FAM200B: variants seen among roughly 807,000 people sequenced by gnomAD.
FAM200B encodes the protein zinc finger BED-type containing 11, also known as protein FAM200B.
In FAM200B, 32 loss-of-function variants were observed where a neutral mutation model predicts 33.1. The observed-to-expected ratio is 0.97, with a 90% confidence interval of 0.73 to 1.30. FAM200B has a LOEUF of 1.30. Among genes scored for constraint, FAM200B ranks in the 50% most tolerant of loss-of-function variants. The probability of loss-of-function intolerance (pLI) is 0.00; values close to 1 mark genes in which losing one functional copy is unlikely to be tolerated. For missense variants in FAM200B, 741 were observed against 754.0 expected, an observed-to-expected ratio of 0.98 and a Z score of 0.20; for synonymous variants, 240 against 264.8, an observed-to-expected ratio of 0.91 and a Z score of 0.91.
upstream of FAM200B, among the ~76,000 whole-genome samples, chr4:15,678,057 G>A (rs377176822): frequency 2.0e-5 from 3 of 152,156 alleles, no homozygotes; most frequent in East Asian, 5.8e-4. Flanking sequence ...GGGCGGGTGG[G>A]TGTGTTTCAT....
chr4:15,680,144 A>G (rs1264142460), upstream of FAM200B, among the ~76,000 whole-genome samples: 1 of 152,166 alleles, frequency 6.6e-6, no homozygotes, highest in African/African-American at 2.4e-5. Flanking sequence ...ACAATGCAGA[A>G]AATATTGAAG....
At chr4:15,661,831 C>T in the FAM200B span, among the ~76,000 whole-genome samples, 2 of 152,214 alleles carry the variant, frequency 1.3e-5, no homozygotes, top group Non-Finnish European at 2.9e-5. Context: ...GCAGCTAAAG[C>T]TGCGATCATC....
At chr4:15,666,126 C>T in the FAM200B span, among the ~76,000 whole-genome samples, 16 of 151,996 alleles carry the variant, frequency 1.1e-4, no homozygotes, top group African/African-American at 2.9e-4. Context: ...GGACTGGGCA[C>T]GGTGGTTCAC....
In FAM200B at chr4:15,687,250, T is replaced by C; in HGVS notation, c.273T>C (p.Asn91=). 1 of 1,546,068 alleles carries C rather than the reference T, an allele frequency of 6.5e-7. No homozygotes were observed. The highest frequency in any genetic ancestry group is 1.2e-5 in the South Asian group (1 of 82,280). The change falls in exon 2 of 2, where the codon AAT becomes AAC. Residue 91 remains asparagine (N), a synonymous_variant. Coordinates refer to ENST00000422728, the MANE Select transcript of FAM200B (RefSeq NM_001145191.2). ...NDRPQCVICN[N]ILANESLKPS... is the part of the protein sequence containing the mutation. The stretch of plus-strand genomic sequence containing the variant: ...GACCTCAGTGTGTTATTTGTAATAA[T>C]ATTCTTGCGAATGAAAGCTTAAAAC...
the FAM200B span, chr4:15,655,520 C>G: frequency 8.6e-5 from 29 of 335,966 alleles, no homozygotes; most frequent in East Asian, 1.7e-4. Context: ...CTCCCGCCCC[C>G]ACTCTTTTCG....
At chr4:15,638,741 G>A in the FAM200B span, 2 of 1,201,040 alleles carry the variant, frequency 1.7e-6, no homozygotes, top group East Asian at 4.7e-5. Context: ...CATTCGTGTT[G>A]ATTTACTCTA....
intron 1 of FAM200B, among the ~76,000 whole-genome samples, chr4:15,682,773 T>C (rs1718442457): frequency 6.6e-6 from 1 of 152,194 alleles, no homozygotes; most frequent in East Asian, 1.9e-4. Context: ...AAAGAATAAA[T>C]AGGACTTCAT....
chr4:15,657,619 A>G, the FAM200B span, among the ~76,000 whole-genome samples: 1 of 152,270 alleles, frequency 6.6e-6, no homozygotes, highest in Admixed American at 6.5e-5. Flanking sequence ...AATTTGTTTT[A>G]GATGACAAAA....
chr4:15,648,762 A>C, the FAM200B span, among the ~76,000 whole-genome samples: 2 of 152,214 alleles, frequency 1.3e-5, no homozygotes, highest in African/African-American at 4.8e-5. Flanking sequence ...TTCAGTTCTA[A>C]GATGAGTACG....
At chr4:15,684,326 C>G (rs964963106) in intron 1 of FAM200B, among the ~76,000 whole-genome samples, 11 of 152,180 alleles carry the variant, frequency 7.2e-5, no homozygotes, top group African/African-American at 2.4e-4. Flanking sequence ...AGGCCAGAAC[C>G]TCAGGTTTGA....
the FAM200B span, among the ~76,000 whole-genome samples, chr4:15,664,893 C>T: frequency 2.0e-5 from 3 of 151,946 alleles, no homozygotes; most frequent in African/African-American, 7.3e-5. Flanking sequence ...TTCTGCAGTC[C>T]CCAACAGCCT....
the FAM200B span, among the ~76,000 whole-genome samples, chr4:15,641,083 A>G: frequency 1.3e-5 from 2 of 152,226 alleles, no homozygotes; most frequent in East Asian, 3.9e-4. Context: ...ATGTAACCCC[A>G]TATTTTTAAA....
At chr4:15,652,143 G>A in the FAM200B span, among the ~76,000 whole-genome samples, 1 of 152,144 alleles carries the variant, frequency 6.6e-6, no homozygotes, top group Non-Finnish European at 1.5e-5. Flanking sequence ...TGGAGAACTG[G>A]AGAAAAGACT....
chr4:15,683,577 A>G (rs1047009945), intron 1 of FAM200B, among the ~76,000 whole-genome samples: 1 of 152,180 alleles, frequency 6.6e-6, no homozygotes, highest in Non-Finnish European at 1.5e-5. Context: ...TAAAAATAAG[A>G]TACTTTTTTA....
At chr4:15,640,781 T>C in the FAM200B span, 7 of 1,446,808 alleles carry the variant, frequency 4.8e-6, no homozygotes, top group Admixed American at 2.3e-5. Context: ...AGAAAAATTA[T>C]GCTTACCTCC....
the FAM200B span, among the ~76,000 whole-genome samples, chr4:15,639,776 G>A: frequency 6.6e-6 from 1 of 152,136 alleles, no homozygotes; most frequent in South Asian, 2.1e-4. Flanking sequence ...GATGTAATTT[G>A]TCTGAAAAGG....
chr4:15,660,635 G>A, the FAM200B span, among the ~76,000 whole-genome samples: 1 of 152,106 alleles, frequency 6.6e-6, no homozygotes, highest in Non-Finnish European at 1.5e-5. Flanking sequence ...TCATTTCCTC[G>A]ACTGTAAAGA....
chr4:15,649,244 A>AT, the FAM200B span, among the ~76,000 whole-genome samples: 1 of 152,174 alleles, frequency 6.6e-6, no homozygotes, highest in Non-Finnish European at 1.5e-5. Context: ...AAGTGCAAAC[A>AT]TTTTTAACCC....
At position 15,687,415 on chromosome 4, in the gene FAM200B, C is replaced by G; in HGVS notation, c.438C>G (p.Ala146=). 1 of 1,550,114 alleles carries G rather than the reference C, an allele frequency of 6.5e-7. No homozygotes were observed. Among genetic ancestry groups the G allele is most frequent in the Non-Finnish European group, 8.7e-7 (1 of 1,145,936 alleles). ...LSCSTAVSEK[A]LLSSYLVAYR... is the part of the protein sequence containing the mutation. The stretch of plus-strand genomic sequence containing the variant: ...GTTCTACTGCTGTTAGTGAGAAAGC[C>G]TTATTATCATCATATTTAGTTGCAT... The change falls in exon 2 of 2, where the codon GCC becomes GCG. Residue 146 remains alanine (A), a synonymous_variant. Coordinates refer to ENST00000422728, the MANE Select transcript of FAM200B (RefSeq NM_001145191.2).
Sources: gnomAD v4.1 joint callset for allele counts (sites outside exome capture counted in the v4.1 genomes callset) on GRCh38, gnomAD v4.1.1 for gene constraint, MANE v1.5 for transcripts, NCBI Gene and HGNC (gene_info 2026-07-23, HGNC 2026-07-21) for gene names.